Variants in CCDC60 observed in about 807,000 individuals in gnomAD.
CCDC60 encodes the protein coiled-coil domain-containing protein 60.
CCDC60 carries 54 observed loss-of-function variants against 63.5 expected under a neutral mutation model. That is an observed-to-expected ratio of 0.85 (90% CI 0.68 to 1.07). The LOEUF is 1.07. Ranked by LOEUF, CCDC60 falls within the 50% of genes least tolerant of loss-of-function variation. CCDC60 has a pLI of 0.00. For synonymous variants in CCDC60, 206 were observed against 238.8 expected (o/e 0.86, Z 1.27); for missense variants, 651 against 684.3 (o/e 0.95, Z 0.54).
chr12:119,379,154 A>C (rs963669464), intron 1 of CCDC60, among the ~76,000 whole-genome samples: 1 of 152,254 alleles, frequency 6.6e-6, no homozygotes, highest in African/African-American at 2.4e-5. Flanking sequence ...CTAGGAAGCT[A>C]AAAATAGTTG....
chr12:119,353,901 C>T (rs1220814448), intron 1 of CCDC60, among the ~76,000 whole-genome samples: 2 of 152,026 alleles, frequency 1.3e-5, no homozygotes, highest in Non-Finnish European at 2.9e-5. Context: ...GGTGAAACCC[C>T]GTCTCTATCA....
At chr12:119,366,436 G>A (rs1055254867) in intron 1 of CCDC60, among the ~76,000 whole-genome samples, 1 of 152,118 alleles carries the variant, frequency 6.6e-6, no homozygotes, top group Non-Finnish European at 1.5e-5. Context: ...TTCCACCAAA[G>A]CCCTTGATTT....
chr12:119,389,503 G>C (rs182746691), intron 1 of CCDC60, among the ~76,000 whole-genome samples: 1 of 152,058 alleles, frequency 6.6e-6, no homozygotes, highest in Admixed American at 6.6e-5. Context: ...TGAGCCCCAA[G>C]TTGCCCACGG....
At chr12:119,534,123 G>A (rs1023229007) in intron 13 of CCDC60, among the ~76,000 whole-genome samples, 1 of 152,140 alleles carries the variant, frequency 6.6e-6, no homozygotes, top group Non-Finnish European at 1.5e-5. Context: ...TCTCCTTGAA[G>A]AGGTCCTTCA....
At chr12:119,440,461 T>C (rs1950421527) in intron 2 of CCDC60, among the ~76,000 whole-genome samples, 1 of 152,036 alleles carries the variant, frequency 6.6e-6, no homozygotes, top group Non-Finnish European at 1.5e-5. Flanking sequence ...ACCCGGGAAG[T>C]GGAGCTTGCA....
intron 1 of CCDC60, among the ~76,000 whole-genome samples, chr12:119,414,401 CCTT>C (rs547701675): frequency 2.0e-5 from 3 of 152,230 alleles, no homozygotes; most frequent in South Asian, 4.1e-4. Flanking sequence ...CTCAGCAAAC[CCTT>C]CTTTAAAAAC....
chr12:119,414,799 T>G (rs577191389), intron 1 of CCDC60, among the ~76,000 whole-genome samples: 38 of 152,052 alleles, frequency 2.5e-4, no homozygotes, highest in African/African-American at 9.2e-4. Flanking sequence ...TGATCCATCT[T>G]GCCCTCCCAA....
intron 1 of CCDC60, among the ~76,000 whole-genome samples, chr12:119,406,399 G>T (rs888806629): frequency 2.0e-5 from 3 of 152,014 alleles, no homozygotes; most frequent in African/African-American, 7.2e-5. Context: ...TCTCTGAGTT[G>T]TCTAAAAGTT....
intron 7 of CCDC60, among the ~76,000 whole-genome samples, chr12:119,511,667 G>A (rs1045912205): frequency 1.6e-4 from 25 of 152,362 alleles, no homozygotes; most frequent in African/African-American, 5.5e-4. Flanking sequence ...GAGAAAGGAA[G>A]TCAGGATTTT....
At chr12:119,344,128 G>A (rs1455673544) in intron 1 of CCDC60, among the ~76,000 whole-genome samples, 1 of 152,096 alleles carries the variant, frequency 6.6e-6, no homozygotes, top group Admixed American at 6.5e-5. Context: ...AACATTTGAG[G>A]CCAGATAGGC....
chr12:119,407,807 A>T (rs2136190897), intron 1 of CCDC60, among the ~76,000 whole-genome samples: 1 of 152,168 alleles, frequency 6.6e-6, no homozygotes, highest in African/African-American at 2.4e-5. Flanking sequence ...TTGCCCAAAC[A>T]GTTAGCAAAT....
intron 1 of CCDC60, among the ~76,000 whole-genome samples, chr12:119,426,606 G>A (rs997200935): frequency 3.9e-5 from 6 of 152,004 alleles, no homozygotes; most frequent in South Asian, 4.2e-4. Context: ...CCATCCTCCC[G>A]CCTCAACCTC....
intron 1 of CCDC60, among the ~76,000 whole-genome samples, chr12:119,378,751 C>T (rs891156358): frequency 6.6e-6 from 1 of 152,104 alleles, no homozygotes; most frequent in Non-Finnish European, 1.5e-5. Flanking sequence ...TTTGTTTTTG[C>T]GAAGATCCTC....
chr12:119,354,212 A>G (rs966261342), intron 1 of CCDC60, among the ~76,000 whole-genome samples: 1 of 152,024 alleles, frequency 6.6e-6, no homozygotes, highest in Non-Finnish European at 1.5e-5. Flanking sequence ...AATTGTAACA[A>G]TTTTATCTGT....
At chr12:119,395,958 G>A (rs535230991) in intron 1 of CCDC60, among the ~76,000 whole-genome samples, 1 of 149,232 alleles carries the variant, frequency 6.7e-6, no homozygotes, top group East Asian at 2.1e-4. Context: ...TTTTTTTTTA[G>A]ATGGAGTCTC....
chr12:119,491,603 C>T (rs1951585956), intron 5 of CCDC60, among the ~76,000 whole-genome samples: 1 of 152,324 alleles, frequency 6.6e-6, no homozygotes, highest in Non-Finnish European at 1.5e-5. Context: ...GCTGGGATTA[C>T]AGGCATGAGC....
At chr12:119,505,414 G>C in intron 7 of CCDC60, 111 bp downstream of exon 7, 1 of 681,462 alleles carries the variant, frequency 1.5e-6, no homozygotes, top group Non-Finnish European at 2.5e-6. Context: ...AGGTGACATG[G>C]GATCCCGCAT....
chr12:119,480,710 TCAC>T (rs1180193396), intron 4 of CCDC60, among the ~76,000 whole-genome samples: 31 of 147,198 alleles, frequency 2.1e-4, no homozygotes, highest in African/African-American at 7.1e-4. Context: ...ACCATCATCC[TCAC>T]CACCACCATC....
chr12:119,474,819 C>A (rs1951141030), intron 3 of CCDC60, among the ~76,000 whole-genome samples: 1 of 151,798 alleles, frequency 6.6e-6, no homozygotes, highest in Non-Finnish European at 1.5e-5. Flanking sequence ...CCAGCTTGGG[C>A]AACATAGAGA....
Sources: gnomAD v4.1 joint callset for allele counts (sites outside exome capture counted in the v4.1 genomes callset) on GRCh38, gnomAD v4.1.1 for gene constraint, MANE v1.5 for transcripts, NCBI Gene and HGNC (gene_info 2026-07-23, HGNC 2026-07-21) for gene names.